PRKAR1A: variants seen among roughly 807,000 people sequenced by gnomAD.
The protein encoded by PRKAR1A is cAMP-dependent protein kinase type I-alpha regulatory subunit.
PRKAR1A carries 3 observed loss-of-function variants against 52.0 expected under a neutral mutation model. The ratio of observed to expected loss-of-function variants is 0.06; its 90% CI spans 0.03 to 0.15. PRKAR1A has a LOEUF of 0.15. Ranked by LOEUF, PRKAR1A falls within the 10% of genes least tolerant of loss-of-function variation. PRKAR1A has a pLI of 1.00. For missense variants in PRKAR1A, 240 were observed against 477.4 expected, an observed-to-expected ratio of 0.50 and a Z score of 4.63; for synonymous variants, 188 against 168.4, an observed-to-expected ratio of 1.12 and a Z score of -0.90.
At chr17:68,422,065 A>C in the PRKAR1A span, 3 of 492,606 alleles carry the variant, frequency 6.1e-6, no homozygotes, top group Non-Finnish European at 1.1e-5. Flanking sequence ...GTATGTATTT[A>C]TATGTATATG....
In PRKAR1A at chr17:68,531,633, T is replaced by C; in HGVS notation, c.*1184T>C. 1.2e-5 allele frequency: 13 copies of C among 1,066,398 alleles called. No homozygotes were observed. The highest frequency in any genetic ancestry group is 1.4e-5 in the Non-Finnish European group (12 of 879,658). The allele number at this position is 1,066,398 out of a possible 1,614,324, so 66.1% of individuals were successfully genotyped here. A position where few individuals can be genotyped will look rare whatever the true frequency, so the allele number is the denominator to read the frequency against. On this transcript the variant is annotated 3_prime_UTR_variant, in exon 11 of 11. Transcript: ENST00000589228. ...GTAGGGTATAATGTGTCTGTGTTGC[T>C]TCAAATTGGTCTGAAAGGCTATCCT... is the stretch of plus-strand genomic sequence containing the variant.
chr17:68,466,809 C>T, the PRKAR1A span, among the ~76,000 whole-genome samples: 7 of 152,210 alleles, frequency 4.6e-5, no homozygotes, highest in African/African-American at 4.8e-5. Flanking sequence ...AAGTGAACAA[C>T]GCGGTGACAT....
rs778265643 is a variant in PRKAR1A at position 68,523,679 on chromosome 17, GT to G, written c.349-41del. 6.0e-6 allele frequency: 9 copies of G among 1,493,262 alleles called. No individual in the cohort carries two copies. In the African/African-American group the frequency reaches 1.1e-4, roughly 18 times the overall value. 92.5% of individuals were successfully genotyped at this position (1,493,262 alleles called of 1,614,324 possible). A position where few individuals can be genotyped will look rare whatever the true frequency, so the allele number is the denominator to read the frequency against. ...GAAGCGCAGGTTGCAAACGTGAAAT[GT>G]TTTTGGTTTATGGAATTGTCATTTG... On this transcript the variant is annotated intron_variant, in intron 3 of 10. Coordinates refer to ENST00000589228, the MANE Select transcript of PRKAR1A (RefSeq NM_002734.5).
chr17:68,484,420 G>A, the PRKAR1A span, among the ~76,000 whole-genome samples: 1 of 149,056 alleles, frequency 6.7e-6, no homozygotes, highest in African/African-American at 2.5e-5. Flanking sequence ...TTTTGACTTT[G>A]TATCCTACAA....
downstream of PRKAR1A, among the ~76,000 whole-genome samples, chr17:68,534,146 G>A (rs547384934): frequency 3.9e-5 from 6 of 152,204 alleles, no homozygotes; most frequent in South Asian, 2.1e-4. Context: ...TACATGTACC[G>A]CTAACATTTG....
chr17:68,485,604 C>T, the PRKAR1A span, among the ~76,000 whole-genome samples: 1 of 152,218 alleles, frequency 6.6e-6, no homozygotes, highest in South Asian at 2.1e-4. Flanking sequence ...GTTTTACATC[C>T]AAAGCTTTTG....
In PRKAR1A at chr17:68,532,302, C is replaced by T; in HGVS notation, c.*1853C>T. 1 of 1,051,490 alleles carries T rather than the reference C, an allele frequency of 9.5e-7. No homozygotes were observed. Among genetic ancestry groups the T allele is most frequent in the East Asian group, 5.0e-5 (1 of 19,848 alleles). 65.1% of individuals were successfully genotyped at this position (1,051,490 alleles called of 1,614,324 possible). On this transcript the variant is annotated 3_prime_UTR_variant, in exon 11 of 11. Transcript: ENST00000589228. Reference sequence around the variant, plus strand: ...TACTTAAATGAGTTACTTAGAATGCCATAAAATTGCAGTTTCATGTATGTA... The same window carrying T: ...TACTTAAATGAGTTACTTAGAATGCTATAAAATTGCAGTTTCATGTATGTA...
the PRKAR1A span, chr17:68,420,066 A>G: frequency 1.8e-6 from 2 of 1,111,078 alleles, no homozygotes; most frequent in Non-Finnish European, 2.6e-6. Flanking sequence ...AGAGAGAGCC[A>G]TCATTGGAAC....
the PRKAR1A span, chr17:68,420,266 G>A: frequency 3.1e-6 from 5 of 1,614,152 alleles, no homozygotes; most frequent in Admixed American, 3.3e-5. Context: ...CCTGGAAGAC[G>A]ATACCGCAGA....
the PRKAR1A span, among the ~76,000 whole-genome samples, chr17:68,500,261 G>A: frequency 0.21 from 32,131 of 152,110 alleles, 3,725 homozygotes; most frequent in Non-Finnish European, 0.25. Flanking sequence ...TGTGTGGGAG[G>A]GACCAGGTGG....
chr17:68,477,620 C>T, the PRKAR1A span, among the ~76,000 whole-genome samples: 34 of 152,142 alleles, frequency 2.2e-4, no homozygotes, highest in Middle Eastern at 3.4e-3. Flanking sequence ...TGGTTTTCTA[C>T]GCAGATGATT....
At chr17:68,435,632 A>G in the PRKAR1A span, 4 of 1,614,130 alleles carry the variant, frequency 2.5e-6, no homozygotes, top group East Asian at 2.2e-5. Context: ...TTTCAGACGC[A>G]CTTGCTAGTT....
the PRKAR1A span, chr17:68,426,255 C>T: frequency 2.9e-6 from 3 of 1,037,524 alleles, 1 homozygote; most frequent in South Asian, 2.6e-5. Context: ...GGAGCGGGGG[C>T]TCAAATAAAG....
the PRKAR1A span, among the ~76,000 whole-genome samples, chr17:68,506,105 T>C: frequency 8.8e-3 from 1,339 of 152,340 alleles, 30 homozygotes; most frequent in African/African-American, 0.031. Context: ...TGTGATACAA[T>C]AACCAAACTG....
intron 3 of PRKAR1A, 117 bp downstream of exon 3, chr17:68,523,043 G>C: frequency 2.3e-6 from 3 of 1,279,792 alleles, no homozygotes; most frequent in Non-Finnish European, 3.3e-6. Flanking sequence ...CATCCATCCT[G>C]TACAATTCTT....
chr17:68,504,896 C>G, the PRKAR1A span, among the ~76,000 whole-genome samples: 1 of 152,104 alleles, frequency 6.6e-6, no homozygotes, highest in Admixed American at 6.6e-5. Flanking sequence ...GATTATTACC[C>G]ATTGTATGCC....
At chr17:68,456,757 T>G in the PRKAR1A span, among the ~76,000 whole-genome samples, 1 of 152,116 alleles carries the variant, frequency 6.6e-6, no homozygotes, top group Non-Finnish European at 1.5e-5. Flanking sequence ...TCCAAAGGTT[T>G]CTTCCATCCA....
intron 7 of PRKAR1A, 149 bp from the exon 8 acceptor site, chr17:68,527,691 G>A (rs2085834015): frequency 1.6e-6 from 1 of 642,166 alleles, no homozygotes; most frequent in South Asian, 1.9e-5. Flanking sequence ...AAATGAATTA[G>A]TTAAAATTAA....
the PRKAR1A span, among the ~76,000 whole-genome samples, chr17:68,472,482 T>A: frequency 6.6e-6 from 1 of 152,210 alleles, no homozygotes; most frequent in Admixed American, 6.5e-5. Context: ...AATGGAAACG[T>A]AGGGTTTCCT....
Sources: allele counts gnomAD v4.1 joint callset (sites outside exome capture counted in the v4.1 genomes callset), GRCh38; gene constraint gnomAD v4.1.1; transcripts MANE v1.5; gene names NCBI Gene and HGNC (gene_info 2026-07-23, HGNC 2026-07-21).